CNTNAP2: variants seen among roughly 807,000 people sequenced by gnomAD.
The protein encoded by CNTNAP2 is contactin-associated protein-like 2.
A neutral mutation model predicts 155.2 loss-of-function variants in CNTNAP2; 98 were observed. The observed-to-expected ratio is 0.63, with a 90% confidence interval of 0.54 to 0.75. The LOEUF (loss-of-function observed/expected upper bound fraction) is 0.75, where lower values mean the gene tolerates loss of function less well. CNTNAP2 is among the 30% of genes least tolerant of loss of function. The probability of loss-of-function intolerance (pLI) is 0.00; values close to 1 mark genes in which losing one functional copy is unlikely to be tolerated. For missense variants in CNTNAP2, 1,727 were observed against 1,688.1 expected (o/e 1.02, Z -0.40); for synonymous variants, 651 against 631.2 (o/e 1.03, Z -0.47).
intron 12 of CNTNAP2, among the ~76,000 whole-genome samples, chr7:147,601,777 A>T (rs1800951894): frequency 6.6e-6 from 1 of 151,248 alleles, no homozygotes; most frequent in Non-Finnish European, 1.5e-5. Context: ...TAATTTTTTT[A>T]TGTACAATCG....
intron 2 of CNTNAP2, among the ~76,000 whole-genome samples, chr7:146,783,744 G>A (rs898140067): frequency 1.3e-5 from 2 of 152,184 alleles, no homozygotes; most frequent in African/African-American, 4.8e-5. Flanking sequence ...AGTGCATGAT[G>A]TTAATATGTG....
chr7:148,353,718 T>G (rs1798466946), intron 21 of CNTNAP2, among the ~76,000 whole-genome samples: 1 of 152,172 alleles, frequency 6.6e-6, no homozygotes, highest in Admixed American at 6.5e-5. Context: ...AAACTTCCAA[T>G]TTAAATGTTC....
chr7:147,008,853 T>A (rs1459384371), intron 3 of CNTNAP2, among the ~76,000 whole-genome samples: 1 of 152,056 alleles, frequency 6.6e-6, no homozygotes, highest in East Asian at 1.9e-4. Context: ...TTATTCTTTT[T>A]CTGATACAAA....
At chr7:148,177,850 C>A (rs1204616758) in intron 18 of CNTNAP2, among the ~76,000 whole-genome samples, 1 of 149,488 alleles carries the variant, frequency 6.7e-6, no homozygotes, top group Admixed American at 6.7e-5. Flanking sequence ...TTACTGGATG[C>A]AGAGTTTATC....
At chr7:147,988,191 A>C (rs1377312216) in intron 15 of CNTNAP2, among the ~76,000 whole-genome samples, 1 of 152,194 alleles carries the variant, frequency 6.6e-6, no homozygotes, top group Non-Finnish European at 1.5e-5. Flanking sequence ...TAGAAATGGA[A>C]TGTTCATGTT....
chr7:147,341,731 AAGGTTCTAATCTAGGCTAT>A (rs1425893695), intron 9 of CNTNAP2, among the ~76,000 whole-genome samples: 2 of 150,670 alleles, frequency 1.3e-5, no homozygotes. Flanking sequence ...CAAACCCAAC[AAGGTTCTAATCTAGGCTAT>A]CACACACACA....
At chr7:148,395,215 C>T (rs1376547452) in intron 22 of CNTNAP2, among the ~76,000 whole-genome samples, 2 of 118,428 alleles carry the variant, frequency 1.7e-5, no homozygotes, top group African/African-American at 6.1e-5. Flanking sequence ...TGTTTTCTTT[C>T]TACTGTCGTG....
At chr7:146,145,981 A>G (rs1040440501) in intron 1 of CNTNAP2, among the ~76,000 whole-genome samples, 1 of 152,198 alleles carries the variant, frequency 6.6e-6, no homozygotes, top group African/African-American at 2.4e-5. Context: ...TAGTTGCCAA[A>G]CAAAATAGAA....
intron 13 of CNTNAP2, among the ~76,000 whole-genome samples, chr7:147,751,344 A>G (rs1036076748): frequency 5.9e-5 from 9 of 151,794 alleles, no homozygotes; most frequent in African/African-American, 1.9e-4. Context: ...TTATTCAGAG[A>G]TAAGTGGAGG....
At chr7:147,095,376 G>A (rs532463392) in intron 4 of CNTNAP2, among the ~76,000 whole-genome samples, 12 of 151,786 alleles carry the variant, frequency 7.9e-5, no homozygotes, top group Middle Eastern at 3.4e-3. Flanking sequence ...TCATTCATGA[G>A]GACTTCACCA....
intron 1 of CNTNAP2, among the ~76,000 whole-genome samples, chr7:146,559,661 A>C (rs1798251076): frequency 6.6e-6 from 1 of 152,190 alleles, no homozygotes; most frequent in Non-Finnish European, 1.5e-5. Flanking sequence ...TTATTGTGGA[A>C]AGTGCCTGTA....
At chr7:147,372,601 T>C (rs1317862995) in intron 9 of CNTNAP2, among the ~76,000 whole-genome samples, 1 of 152,118 alleles carries the variant, frequency 6.6e-6, no homozygotes, top group East Asian at 1.9e-4. Context: ...GTATCATCAT[T>C]TATACATTAT....
At chr7:146,553,590 T>C (rs1798152767) in intron 1 of CNTNAP2, among the ~76,000 whole-genome samples, 1 of 152,182 alleles carries the variant, frequency 6.6e-6, no homozygotes, top group Non-Finnish European at 1.5e-5. Context: ...TTGCATTCTC[T>C]TCAAGGAAAT....
At chr7:146,238,935 T>A (rs960731419) in intron 1 of CNTNAP2, among the ~76,000 whole-genome samples, 8 of 152,192 alleles carry the variant, frequency 5.3e-5, no homozygotes, top group Non-Finnish European at 1.0e-4. Flanking sequence ...CGCCCATGAT[T>A]CAATTACCTC....
chr7:148,383,501 C>T (rs544980147), intron 21 of CNTNAP2, 148 bp from the exon 22 acceptor site: 20 of 1,143,446 alleles, frequency 1.7e-5, no homozygotes, highest in East Asian at 5.0e-5. Flanking sequence ...TAAATCTTAT[C>T]GACCCATTAA....
intron 12 of CNTNAP2, among the ~76,000 whole-genome samples, chr7:147,601,644 A>ATAT (rs1554410012): frequency 5.6e-4 from 49 of 87,454 alleles, no homozygotes; most frequent in South Asian, 7.4e-4. Context: ...CTTAAAAAAA[A>ATAT]ATATATATAT....
At chr7:147,788,307 T>A (rs1415801412) in intron 13 of CNTNAP2, among the ~76,000 whole-genome samples, 1 of 152,192 alleles carries the variant, frequency 6.6e-6, no homozygotes, top group Non-Finnish European at 1.5e-5. Flanking sequence ...AGAGGTAACT[T>A]TTGTAAGAAG....
rs73455885 is a variant in CNTNAP2, at chr7:146,243,646, G to T, written c.97+126673G>T. Among the ~76,000 whole-genome samples the T allele has an allele frequency of 5.0e-3, 756 of 152,160 alleles. 10 individuals are homozygous for T. Among genetic ancestry groups the T allele is most frequent in the African/African-American group, 0.017 (719 of 41,516 alleles). The stretch of plus-strand genomic sequence containing the variant: ...GAATTTTGGATATAGATGTGGGTTC[G>T]AATTTGAACTTTGTAACTTAATGGT... On this transcript the variant is annotated intron_variant, in intron 1 of 23. Transcript: ENST00000361727.
intron 17 of CNTNAP2, among the ~76,000 whole-genome samples, chr7:148,165,555 A>T (rs1805639345): frequency 6.6e-6 from 1 of 152,226 alleles, no homozygotes; most frequent in Admixed American, 6.5e-5. Flanking sequence ...AGCTACCAGT[A>T]ACTAGAATTA....
Sources: allele counts gnomAD v4.1 joint callset (sites outside exome capture counted in the v4.1 genomes callset), GRCh38; gene constraint gnomAD v4.1.1; transcripts MANE v1.5; gene names NCBI Gene and HGNC (gene_info 2026-07-23, HGNC 2026-07-21).